The following OAS1 variants were observed in gnomAD, a reference collection of about 807,000 sequenced individuals.
OAS1 encodes 2'-5'-oligoadenylate synthase 1.
A neutral mutation model predicts 38.5 loss-of-function variants in OAS1; 24 were observed. That is an observed-to-expected ratio of 0.62 (90% CI 0.45 to 0.88). The LOEUF is 0.88. Ranked by LOEUF, OAS1 falls within the 40% of genes least tolerant of loss-of-function variation. The pLI, the probability that OAS1 is intolerant of heterozygous loss-of-function variation, is 0.00. For synonymous variants in OAS1, 169 were observed against 193.9 expected (o/e 0.87, Z 1.07); for missense variants, 482 against 493.9 (o/e 0.98, Z 0.23).
rs141338353 is a variant in OAS1 at position 112,908,089 on chromosome 12, C to G, written c.181-447C>G. On this transcript the variant is annotated intron_variant, in intron 1 of 5. Coordinates refer to ENST00000202917, the MANE Select transcript of OAS1 (RefSeq NM_016816.4). ...CCCTGCGCCAGTTTCAGGCAGGCCG[C>G]TCCTCCAGGGCCCAGCCTTGACCAT... Among the ~76,000 whole-genome samples, 12 of 152,348 alleles carry G rather than the reference C, an allele frequency of 7.9e-5. 1 individual carries two copies. In the East Asian group the frequency reaches 2.3e-3, roughly 29 times the overall value.
chr12:112,920,927 CAG>C (rs1593164967), downstream of OAS1, among the ~76,000 whole-genome samples: 1 of 152,200 alleles, frequency 6.6e-6, no homozygotes, highest in East Asian at 1.9e-4. Flanking sequence ...TGGTCAGGGG[CAG>C]AGTCTGAACT....
At position 112,911,145 on chromosome 12, in the gene OAS1, C is replaced by A; in HGVS notation, c.564C>A (p.Thr188=). 6.2e-7 allele frequency: 1 copy of A among 1,614,116 alleles called. No individual in the cohort carries two copies. Among genetic ancestry groups the A allele is most frequent in the South Asian group, 1.1e-5 (1 of 91,074 alleles). The change falls in exon 3 of 6, where the codon ACC becomes ACA. Residue 188 remains threonine, a synonymous_variant. Coordinates refer to ENST00000202917, the MANE Select transcript of OAS1 (RefSeq NM_016816.4). ...TGCAGAAAGAGGGCGAGTTCTCCAC[C>A]TGCTTCACAGAACTACAGAGAGACT... ...TDLQKEGEFS[T]CFTELQRDFL...
chr12:112,925,579 G>A, intron 6 of OAS1, among the ~76,000 whole-genome samples: 1 of 152,160 alleles, frequency 6.6e-6, no homozygotes, highest in East Asian at 1.9e-4. Flanking sequence ...TTGAGCCCAG[G>A]AGTTCAAGAC....
chr12:112,930,358 A>T (rs2043590167), intron 6 of OAS1, among the ~76,000 whole-genome samples: 1 of 152,252 alleles, frequency 6.6e-6, no homozygotes, highest in Non-Finnish European at 1.5e-5. Context: ...CCTGATACAG[A>T]GGCTTTGAGA....
chr12:112,908,746 G>A lies in OAS1; in HGVS notation c.391G>A (p.Ala131Thr), dbSNP rs1467029876. 6.2e-7 allele frequency: 1 copy of A among 1,614,198 alleles called. No homozygotes were observed. Residue 131 changes from alanine (A) to threonine (T), a missense_variant, in exon 2 of 6, where the codon GCG becomes ACG. Ala to Thr is a moderately conservative substitution (Grantham distance 58). Coordinates refer to ENST00000202917, the MANE Select transcript of OAS1 (RefSeq NM_016816.4). The stretch of plus-strand genomic sequence containing the variant: ...GGCTCCACGCTGGGGCAACCCCCGT[G>A]CGCTCAGCTTCGTACTGAGTTCGCT... ...VQAPRWGNPRALSFVLSSLQL... is the reference protein window; with the variant it reads ...VQAPRWGNPRTLSFVLSSLQL...
intron 4 of OAS1, 148 bp downstream of exon 4, chr12:112,916,886 C>T (rs144394276): frequency 1.5e-6 from 1 of 654,278 alleles, no homozygotes; most frequent in African/African-American, 1.8e-5. Flanking sequence ...TTTACTACTG[C>T]CATCTGTTTT....
At position 112,913,583 on chromosome 12, in the gene OAS1, T is replaced by C. The variant is rs894327890; in HGVS notation, c.654+2348T>C. Reference sequence around the variant, plus strand: ...ATGCTTTATTCTGAATAGTTCCTTCTAATCTACCTTCCAATTAACTAATTT... The same window carrying C: ...ATGCTTTATTCTGAATAGTTCCTTCCAATCTACCTTCCAATTAACTAATTT... On this transcript the variant is annotated intron_variant, in intron 3 of 5. Transcript: ENST00000202917. Among the ~76,000 whole-genome samples the C allele has an allele frequency of 5.9e-5, 9 of 152,304 alleles. No individual in the cohort carries two copies. In the Middle Eastern group the frequency reaches 0.017, roughly 288 times the overall value.
chr12:112,909,020 G>A (rs2043340772), intron 2 of OAS1, 196 bp downstream of exon 2: 4 of 516,942 alleles, frequency 7.7e-6, no homozygotes, highest in Admixed American at 3.7e-5. Context: ...TTGGCATAAT[G>A]TGGGGACAAA....
chr12:112,918,752 A>T (rs2043498154), intron 5 of OAS1: 3 of 411,204 alleles, frequency 7.3e-6, no homozygotes. Flanking sequence ...TCATCTGACC[A>T]ATGGGAGACT....
chr12:112,927,322 G>A (rs910310313), intron 6 of OAS1, among the ~76,000 whole-genome samples: 11 of 152,248 alleles, frequency 7.2e-5, no homozygotes, highest in South Asian at 4.1e-4. Context: ...AGGTCCCTCC[G>A]TTCGGGGTCC....
chr12:112,927,825 A>G lies in OAS1; in HGVS notation c.1168-4053A>G, dbSNP rs180886277. On this transcript the variant is annotated intron_variant, in intron 6 of 6. Coordinates refer to the OAS1 transcript ENST00000540589. ...TGTTGGAGGTCACGTCACAGTTCAC[A>G]GCAACCATCTATGTTTGGGAGCAAG... Among the ~76,000 whole-genome samples the G allele has an allele frequency of 2.1e-3, 313 of 152,300 alleles. 1 individual carries two copies. The highest frequency in any genetic ancestry group is 8.7e-3 in the South Asian group (42 of 4,818).
chr12:112,917,902 C>T, intron 5 of OAS1: 6 of 1,459,310 alleles, frequency 4.1e-6, no homozygotes, highest in South Asian at 2.9e-5. Flanking sequence ...ATCCCTTGTC[C>T]AGAATTCATT....
At chr12:112,926,815 A>T (rs962922325) in intron 6 of OAS1, among the ~76,000 whole-genome samples, 1 of 152,240 alleles carries the variant, frequency 6.6e-6, no homozygotes, top group East Asian at 1.9e-4. Flanking sequence ...GGGGTGCTGC[A>T]GGAGACCAGG....
At chr12:112,926,708 G>A (rs934934499) in intron 6 of OAS1, among the ~76,000 whole-genome samples, 15 of 152,184 alleles carry the variant, frequency 9.9e-5, no homozygotes, top group African/African-American at 3.6e-4. Flanking sequence ...CACTGTGCAT[G>A]CATTGTCATT....
chr12:112,932,133 T>G (rs779980668), exon 7 of OAS1: 12 of 497,800 alleles, frequency 2.4e-5, no homozygotes, highest in Non-Finnish European at 3.9e-5. Context: ...ACATGTGAAC[T>G]CCCTCCCTCT....
At chr12:112,922,532 T>C (rs1440614365), downstream of OAS1, among the ~76,000 whole-genome samples, 2 of 152,178 alleles carry the variant, frequency 1.3e-5, no homozygotes, top group African/African-American at 4.8e-5. Context: ...TGGCTTCTAT[T>C]GCTCTGGGAG....
chr12:112,908,125 G>A (rs2043321201), intron 1 of OAS1, among the ~76,000 whole-genome samples: 1 of 152,180 alleles, frequency 6.6e-6, no homozygotes, highest in Non-Finnish European at 1.5e-5. Flanking sequence ...TTACCTAACT[G>A]ATTTTTCCTC....
At chr12:112,928,745 G>A (rs1466169063) in intron 6 of OAS1, among the ~76,000 whole-genome samples, 1 of 152,236 alleles carries the variant, frequency 6.6e-6, no homozygotes, top group Non-Finnish European at 1.5e-5. Flanking sequence ...TCACATGGCT[G>A]AGCAAACTCA....
downstream of OAS1, among the ~76,000 whole-genome samples, chr12:112,921,444 T>C (rs112983452): frequency 2.2e-3 from 330 of 152,322 alleles, 2 homozygotes; most frequent in African/African-American, 7.7e-3. Context: ...CAGTAATTAG[T>C]TGCTTGATCG....
Sources: gnomAD v4.1 joint callset for allele counts (sites outside exome capture counted in the v4.1 genomes callset) on GRCh38, gnomAD v4.1.1 for gene constraint, MANE v1.5 for transcripts, NCBI Gene and HGNC (gene_info 2026-07-23, HGNC 2026-07-21) for gene names.